The following UNC13C variants were observed in gnomAD, a reference collection of about 807,000 sequenced individuals.
The protein encoded by UNC13C is protein unc-13 homolog C.
Under a neutral mutation model 245.4 loss-of-function variants are expected in UNC13C, and 174 were observed. The ratio of observed to expected loss-of-function variants is 0.71; its 90% CI spans 0.63 to 0.80. The LOEUF is 0.80. Among genes scored for constraint, UNC13C ranks in the 30% least tolerant of loss-of-function variants. The pLI is 0.00. For synonymous variants in UNC13C, 992 were observed against 895.1 expected (o/e 1.11, Z -1.93); for missense variants, 2,829 against 2,602.9 (o/e 1.09, Z -1.89).
intron 16 of UNC13C, among the ~76,000 whole-genome samples, chr15:54,337,479 C>G (rs1381812546): frequency 6.6e-6 from 1 of 152,178 alleles, no homozygotes; most frequent in African/African-American, 2.4e-5. Context: ...GAAGTCACCT[C>G]CCTTATGGCA....
the UNC13C span, among the ~76,000 whole-genome samples, chr15:53,931,736 G>A: frequency 2.5e-4 from 38 of 152,020 alleles, no homozygotes; most frequent in African/African-American, 8.7e-4. Context: ...CTTAAAAAGG[G>A]GTGAAATCAA....
At chr15:54,566,157 C>T (rs1450689353) in intron 29 of UNC13C, among the ~76,000 whole-genome samples, 1 of 151,948 alleles carries the variant, frequency 6.6e-6, no homozygotes, top group Non-Finnish European at 1.5e-5. Context: ...ATTATGTAAA[C>T]AGTCCTCCAG....
chr15:54,108,692 G>A (rs995486238), intron 2 of UNC13C, among the ~76,000 whole-genome samples: 8 of 152,134 alleles, frequency 5.3e-5, no homozygotes, highest in Non-Finnish European at 1.0e-4. Context: ...AAAAAGGCTT[G>A]TCCTATTCTG....
At chr15:54,447,466 T>C (rs1890883014) in intron 19 of UNC13C, among the ~76,000 whole-genome samples, 1 of 152,308 alleles carries the variant, frequency 6.6e-6, no homozygotes, top group African/African-American at 2.4e-5. Context: ...TATTGGTCTA[T>C]TCAGAGATTC....
chr15:54,279,095 C>T (rs1428189512), intron 10 of UNC13C, among the ~76,000 whole-genome samples: 1 of 152,130 alleles, frequency 6.6e-6, no homozygotes, highest in Non-Finnish European at 1.5e-5. Flanking sequence ...TGATAAAGGG[C>T]AATACTGCAG....
the UNC13C span, among the ~76,000 whole-genome samples, chr15:53,856,205 G>T: frequency 6.6e-6 from 1 of 151,566 alleles, no homozygotes; most frequent in South Asian, 2.1e-4. Flanking sequence ...TCTAGCCAGT[G>T]GTCTATTTTA....
chr15:54,463,281 G>GGGGGGGGGGGGC (rs1221917189), intron 19 of UNC13C, among the ~76,000 whole-genome samples: 7 of 69,018 alleles, frequency 1.0e-4, no homozygotes, highest in Admixed American at 2.7e-4. Flanking sequence ...GGGGGGGGGG[G>GGGGGGGGGGGGC]GCCGGTCAGG....
chr15:54,427,739 C>A (rs944794848), intron 19 of UNC13C, among the ~76,000 whole-genome samples: 1 of 151,630 alleles, frequency 6.6e-6, no homozygotes, highest in Non-Finnish European at 1.5e-5. Context: ...CTATTGACAA[C>A]TTTTCTTTTT....
chr15:54,332,473 C>T (rs1596235928), intron 15 of UNC13C, among the ~76,000 whole-genome samples: 1 of 152,098 alleles, frequency 6.6e-6, no homozygotes, highest in East Asian at 1.9e-4. Flanking sequence ...CTGAAATACT[C>T]TGCTGATATT....
At chr15:54,045,307 A>AT (rs1484838593) in intron 2 of UNC13C, among the ~76,000 whole-genome samples, 1 of 152,056 alleles carries the variant, frequency 6.6e-6, no homozygotes, top group African/African-American at 2.4e-5. Context: ...TGTTGAAAAG[A>AT]TTTTTCTGTT....
intron 2 of UNC13C, among the ~76,000 whole-genome samples, chr15:54,080,768 ACT>A (rs1898898788): frequency 6.6e-6 from 1 of 151,880 alleles, no homozygotes; most frequent in Non-Finnish European, 1.5e-5. Flanking sequence ...CAAATAACCA[ACT>A]TTTTGTTTTG....
intron 13 of UNC13C, among the ~76,000 whole-genome samples, chr15:54,314,584 GA>G (rs1172284758): frequency 6.6e-6 from 1 of 150,900 alleles, no homozygotes; most frequent in Non-Finnish European, 1.5e-5. Context: ...TGACTTTAAA[GA>G]AAAAAAGAAT....
chr15:54,579,585 G>C (rs12438101), intron 30 of UNC13C, among the ~76,000 whole-genome samples: 1 of 151,548 alleles, frequency 6.6e-6, no homozygotes. Flanking sequence ...GTGAAACCTC[G>C]TCTCTACTAA....
At chr15:54,235,255 T>C in intron 5 of UNC13C, 147 bp downstream of exon 5, 1 of 572,492 alleles carries the variant, frequency 1.7e-6, no homozygotes, top group South Asian at 2.8e-5. Flanking sequence ...CTGTTATATT[T>C]ATTATTATTT....
chr15:54,165,420 A>T (rs887266239), intron 4 of UNC13C, among the ~76,000 whole-genome samples: 1 of 152,150 alleles, frequency 6.6e-6, no homozygotes. Context: ...TCACAACTAT[A>T]TTAAGTGGTT....
intron 4 of UNC13C, among the ~76,000 whole-genome samples, chr15:54,179,655 A>G (rs781235015): frequency 2.6e-5 from 4 of 152,118 alleles, no homozygotes; most frequent in South Asian, 2.1e-4. Flanking sequence ...ATTCAAATAT[A>G]TGTGCAATTG....
intron 30 of UNC13C, among the ~76,000 whole-genome samples, chr15:54,615,248 C>T (rs1186009183): frequency 1.3e-5 from 2 of 151,888 alleles, no homozygotes; most frequent in Non-Finnish European, 2.9e-5. Flanking sequence ...AAAAATGTAC[C>T]ATTCAGTTGT....
intron 30 of UNC13C, among the ~76,000 whole-genome samples, chr15:54,573,806 C>G (rs986552079): frequency 1.3e-5 from 2 of 152,174 alleles, no homozygotes; most frequent in African/African-American, 4.8e-5. Flanking sequence ...GTGCACAGGA[C>G]AGCCTTCCCT....
At chr15:53,993,819 T>C (rs566852047) in intron 1 of UNC13C, among the ~76,000 whole-genome samples, 1 of 152,220 alleles carries the variant, frequency 6.6e-6, no homozygotes, top group South Asian at 2.1e-4. Flanking sequence ...CTTTGCTTTA[T>C]AGCTGTAGTC....
Sources: gnomAD v4.1 joint callset for allele counts (sites outside exome capture counted in the v4.1 genomes callset) on GRCh38, gnomAD v4.1.1 for gene constraint, MANE v1.5 for transcripts, NCBI Gene and HGNC (gene_info 2026-07-23, HGNC 2026-07-21) for gene names.